STK32C: variants seen among roughly 807,000 people sequenced by gnomAD.
STK32C encodes serine/threonine-protein kinase 32C.
Under a neutral mutation model 56.5 loss-of-function variants are expected in STK32C, and 31 were observed. That is an observed-to-expected ratio of 0.55 (90% CI 0.41 to 0.74). The LOEUF is 0.74. STK32C is among the 30% of genes least tolerant of loss of function. The probability of loss-of-function intolerance (pLI) is 0.00; values close to 1 mark genes in which losing one functional copy is unlikely to be tolerated. For synonymous variants in STK32C, 309 were observed against 289.4 expected (o/e 1.07, Z -0.69); for missense variants, 544 against 676.9 (o/e 0.80, Z 2.18).
At chr10:132,285,636 C>G (rs1311576309) in intron 1 of STK32C, among the ~76,000 whole-genome samples, 1 of 152,284 alleles carries the variant, frequency 6.6e-6, no homozygotes, top group South Asian at 2.1e-4. Context: ...CAGAAAGATA[C>G]CAACCCTAAA....
intron 1 of STK32C, among the ~76,000 whole-genome samples, chr10:132,329,844 C>T (rs1590534576): frequency 6.6e-6 from 1 of 152,344 alleles, no homozygotes; most frequent in East Asian, 1.9e-4. Flanking sequence ...CGCCAGGCAA[C>T]ACAGCCAAAC....
chr10:132,242,304 C>T (rs551125040), intron 2 of STK32C, among the ~76,000 whole-genome samples: 1 of 152,108 alleles, frequency 6.6e-6, no homozygotes, highest in Admixed American at 6.5e-5. Context: ...GGACACGGGA[C>T]GAGTGGGGGG....
intron 7 of STK32C, among the ~76,000 whole-genome samples, chr10:132,225,003 C>A (rs918073200): frequency 6.6e-6 from 1 of 152,218 alleles, no homozygotes; most frequent in Non-Finnish European, 1.5e-5. Context: ...CAGAGGCTGG[C>A]CTGCAGGCAC....
At chr10:132,293,842 G>C (rs925043661) in intron 1 of STK32C, among the ~76,000 whole-genome samples, 16 of 152,208 alleles carry the variant, frequency 1.1e-4, no homozygotes, top group African/African-American at 3.6e-4. Flanking sequence ...ACCAGAGCTG[G>C]GGCAGAGCCT....
At chr10:132,239,465 G>A (rs1381590594) in intron 2 of STK32C, among the ~76,000 whole-genome samples, 1 of 152,228 alleles carries the variant, frequency 6.6e-6, no homozygotes, top group East Asian at 1.9e-4. Flanking sequence ...AAACGCCATT[G>A]CTCCAAAGTC....
chr10:132,212,515 T>C (rs1204633192), intron 10 of STK32C, among the ~76,000 whole-genome samples: 9 of 152,192 alleles, frequency 5.9e-5, no homozygotes, highest in Admixed American at 5.2e-4. Flanking sequence ...GCTGAGGTGA[T>C]GGATCCTTAG....
intron 10 of STK32C, 88 bp downstream of exon 10, chr10:132,222,553 C>T (rs2637635): frequency 0.79 from 1,204,842 of 1,520,874 alleles, 478,715 homozygotes; most frequent in Admixed American, 0.87. Flanking sequence ...GTGTGCGCTG[C>T]CAGGGGTCCC....
At chr10:132,268,627 T>TCG (rs1423883915) in intron 1 of STK32C, among the ~76,000 whole-genome samples, 13 of 117,228 alleles carry the variant, frequency 1.1e-4, no homozygotes, top group East Asian at 6.1e-4. Flanking sequence ...ATGTCCCACA[T>TCG]TGTGTGTGTG....
chr10:132,226,666 A>T, intron 4 of STK32C, 129 bp downstream of exon 4: 5 of 1,104,602 alleles, frequency 4.5e-6, no homozygotes, highest in South Asian at 1.5e-5. Flanking sequence ...GCAGGCACTC[A>T]GGCAAGGGTG....
At chr10:132,311,223 G>T (rs115455904), upstream of STK32C, among the ~76,000 whole-genome samples, 1 of 152,104 alleles carries the variant, frequency 6.6e-6, no homozygotes. The surrounding 1 kb of genome is among the most constrained non-coding windows in gnomAD (Gnocchi z 4.4). Flanking sequence ...CTCTGCCCAC[G>T]CCTTTGTTAA....
intron 1 of STK32C, chr10:132,249,147 G>A (rs781438086): frequency 1.4e-5 from 6 of 438,080 alleles, no homozygotes; most frequent in African/African-American, 6.1e-5. Context: ...GGCGTGCAGG[G>A]GGCGGGGCGT....
intron 1 of STK32C, among the ~76,000 whole-genome samples, chr10:132,299,695 C>T (rs1399426733): frequency 6.6e-6 from 1 of 152,248 alleles, no homozygotes; most frequent in African/African-American, 2.4e-5. Flanking sequence ...CCCACAGCAT[C>T]GTGAGAAACC....
In STK32C at chr10:132,254,648, G is replaced by A. The variant is rs1184021789; in HGVS notation, c.263-8693C>T. ...GAGTAAAATAAGCCTGCCGCAGGGC[G>A]CCGGGAATCAGCACTATGTCACCCC... On this transcript the variant is annotated intron_variant, in intron 1 of 11. Transcript: ENST00000298630. 4.2e-4 allele frequency among the ~76,000 whole-genome samples: 21 copies of A among 50,024 alleles called. 4 individuals carry two copies. Among genetic ancestry groups the A allele is most frequent in the Non-Finnish European group, 7.2e-4 (20 of 27,806 alleles). The allele number at this position is 50,024 out of a possible 152,430, so 32.8% of individuals were successfully genotyped here. A position where few individuals can be genotyped will look rare whatever the true frequency, so the allele number is the denominator to read the frequency against.
intron 1 of STK32C, 149 bp from the exon 2 acceptor site, chr10:132,246,104 T>C (rs926915282): frequency 2.6e-6 from 2 of 772,412 alleles, no homozygotes; most frequent in African/African-American, 1.7e-5. Flanking sequence ...AAACTCTCGC[T>C]CCTGTGCGAG....
At chr10:132,212,752 G>A (rs528170355) in intron 10 of STK32C, among the ~76,000 whole-genome samples, 10 of 152,332 alleles carry the variant, frequency 6.6e-5, no homozygotes, top group South Asian at 2.1e-4. Flanking sequence ...TCTGCTCTGC[G>A]GTAAACAACG....
intron 1 of STK32C, among the ~76,000 whole-genome samples, chr10:132,262,753 CAAAAAAA>C (rs34135037): frequency 1.4e-5 from 1 of 73,382 alleles, no homozygotes; most frequent in African/African-American, 4.6e-5. Context: ...GACTCCATCT[CAAAAAAA>C]AAAAAAAAAA....
Position 132,305,078 on chromosome 10 carries a change from G to C in STK32C, c.262+2494C>G, listed in dbSNP as rs551131921. 6.6e-5 allele frequency among the ~76,000 whole-genome samples: 10 copies of C among 152,320 alleles called. No individual in the cohort carries two copies. In the South Asian group the frequency reaches 1.5e-3, roughly 22 times the overall value. ...GGCTCGCCCAACGCCATGCAGCTCTGGTGCAGAGCAGCAGCAGAAAGACCC... is the reference window on the plus strand; with the variant it reads ...GGCTCGCCCAACGCCATGCAGCTCTCGTGCAGAGCAGCAGCAGAAAGACCC... On this transcript the variant is annotated intron_variant, in intron 1 of 11. Coordinates refer to ENST00000298630, the MANE Select transcript of STK32C (RefSeq NM_173575.4).
At chr10:132,292,590 C>T (rs2065602284) in intron 1 of STK32C, among the ~76,000 whole-genome samples, 2 of 152,248 alleles carry the variant, frequency 1.3e-5, no homozygotes, top group African/African-American at 2.4e-5. Context: ...TGCTTGCACA[C>T]ATGCTTCCAT....
At chr10:132,300,467 C>A (rs2065879882) in intron 1 of STK32C, among the ~76,000 whole-genome samples, 1 of 152,244 alleles carries the variant, frequency 6.6e-6, no homozygotes, top group Non-Finnish European at 1.5e-5. Context: ...GCACCTCCGT[C>A]TGCACTCCTG....
Sources: gnomAD v4.1 joint callset for allele counts (sites outside exome capture counted in the v4.1 genomes callset) on GRCh38, gnomAD v4.1.1 for gene constraint, Gnocchi (gnomAD v3.1) non-coding constraint, MANE v1.5 for transcripts, NCBI Gene and HGNC (gene_info 2026-07-23, HGNC 2026-07-21) for gene names.